The following ANKRD44 variants were observed in gnomAD, a reference collection of about 807,000 sequenced individuals.
ANKRD44 encodes ankyrin repeat domain 44.
A neutral mutation model predicts 116.0 loss-of-function variants in ANKRD44; 35 were observed. The observed-to-expected ratio is 0.30, with a 90% CI of 0.23 to 0.40. The LOEUF (loss-of-function observed/expected upper bound fraction) is 0.40. Ranked by LOEUF, ANKRD44 falls within the 10% of genes least tolerant of loss-of-function variation. ANKRD44 has a pLI of 1.00. For missense variants in ANKRD44, 1,014 were observed against 1,242.6 expected, an observed-to-expected ratio of 0.82 and a Z score of 2.77; for synonymous variants, 435 against 461.8, an observed-to-expected ratio of 0.94 and a Z score of 0.74.
chr2:197,197,112 G>T (rs1367702700), intron 1 of ANKRD44, among the ~76,000 whole-genome samples: 2 of 152,100 alleles, frequency 1.3e-5, no homozygotes, highest in Non-Finnish European at 2.9e-5. Context: ...TCCCCAGCCA[G>T]AAAAAGTCAC....
rs2082449993 is a variant in ANKRD44, at chr2:197,256,485, A to G, written c.27+54093T>C. On this transcript the variant is annotated intron_variant, in intron 1 of 27. Coordinates refer to ENST00000282272, the MANE Select transcript of ANKRD44 (RefSeq NM_001195144.2). ...AAGACAACTTGAACACAAGTTATCT[A>G]CATCAAAGTAACAAAACCAAAGTGC... 3.3e-5 allele frequency among the ~76,000 whole-genome samples: 5 copies of G among 152,262 alleles called. No individual in the cohort carries two copies. In the South Asian group the frequency reaches 1.0e-3, roughly 31 times the overall value.
intron 21 of ANKRD44, among the ~76,000 whole-genome samples, chr2:196,978,971 A>C (rs1051364868): frequency 6.6e-5 from 10 of 151,968 alleles, no homozygotes; most frequent in Non-Finnish European, 1.5e-5. Context: ...CAAAATAGAT[A>C]TAGCATAGTC....
rs1464210072 is a variant in ANKRD44 at position 197,212,050 on chromosome 2, T to TCA, written c.28-24945_28-24944insTG. 0.039 allele frequency among the ~76,000 whole-genome samples: 4,794 copies of TCA among 123,706 alleles called. 90 individuals are homozygous for TCA. Among genetic ancestry groups the TCA allele is most frequent in the East Asian group, 0.055 (191 of 3,462 alleles). The allele number at this position is 123,706 out of a possible 152,430, so 81.2% of individuals were successfully genotyped here. A position where few individuals can be genotyped will look rare whatever the true frequency, so the allele number is the denominator to read the frequency against. On this transcript the variant is annotated intron_variant, in intron 1 of 27. Coordinates refer to ENST00000282272, the MANE Select transcript of ANKRD44 (RefSeq NM_001195144.2). This position sits in a 1 kb window ranked among gnomAD's most constrained non-coding sequence, Gnocchi z 4.8. Reference sequence around the variant, plus strand: ...CTCTCTCTCTCTCAGTCTCTCTCTCTCTCACACACACACACACACACACAC... The same window carrying TCA: ...CTCTCTCTCTCTCAGTCTCTCTCTCTCACTCACACACACACACACACACACAC...
chr2:196,967,154 A>C (rs1437871), exon 22 of ANKRD44: 15,794 of 193,752 alleles, frequency 0.082, 717 homozygotes, highest in South Asian at 0.11. Context: ...TGCTCTAGAA[A>C]TATTACCCAG....
chr2:197,008,660 G>A (rs1044291078), intron 19 of ANKRD44, among the ~76,000 whole-genome samples: 2 of 152,058 alleles, frequency 1.3e-5, no homozygotes, highest in African/African-American at 4.8e-5. Context: ...AAAAATGGGC[G>A]GAAAGAGGGA....
intron 20 of ANKRD44, among the ~76,000 whole-genome samples, chr2:197,006,624 T>A (rs1467840986): frequency 6.6e-6 from 1 of 152,170 alleles, no homozygotes; most frequent in African/African-American, 2.4e-5. Context: ...AGGACTGAGA[T>A]AACAGATGCA....
rs531701912 is a variant in ANKRD44 at position 197,276,837 on chromosome 2, G to A, written c.27+33741C>T. On this transcript the variant is annotated intron_variant, in intron 1 of 27. Transcript: ENST00000282272. ...AACTGGGGTCTGAGGCCCACCCACAGCACAAATACCTGTGGCATTCATAAA... is the reference window on the plus strand; with the variant it reads ...AACTGGGGTCTGAGGCCCACCCACAACACAAATACCTGTGGCATTCATAAA... 2.6e-5 allele frequency among the ~76,000 whole-genome samples: 4 copies of A among 152,120 alleles called. No homozygotes were observed. In the South Asian group the frequency reaches 8.3e-4, roughly 32 times the overall value.
At chr2:197,042,687 G>A (rs1574336104) in intron 16 of ANKRD44, among the ~76,000 whole-genome samples, 1 of 151,972 alleles carries the variant, frequency 6.6e-6, no homozygotes, top group Non-Finnish European at 1.5e-5. Context: ...CTTAAAATCA[G>A]GTCCTAAACT....
At chr2:197,067,378 G>A (rs960380341) in intron 16 of ANKRD44, among the ~76,000 whole-genome samples, 1 of 152,166 alleles carries the variant, frequency 6.6e-6, no homozygotes, top group Non-Finnish European at 1.5e-5. Context: ...CCTGGGCAAG[G>A]ACTTCATGTC....
At chr2:197,035,951 G>A (rs192495690) in intron 16 of ANKRD44, among the ~76,000 whole-genome samples, 127 of 152,112 alleles carry the variant, frequency 8.3e-4, no homozygotes, top group African/African-American at 2.9e-3. Context: ...GGACCCCAGT[G>A]GACCCCCAGT....
chr2:197,078,619 C>T (rs755855414), intron 16 of ANKRD44, 84 bp downstream of exon 16: 3 of 1,554,714 alleles, frequency 1.9e-6, no homozygotes, highest in South Asian at 2.3e-5. Context: ...AGAGCTACAA[C>T]TCTGGAAAAA....
chr2:197,251,066 T>C lies in ANKRD44; in HGVS notation c.27+59512A>G, dbSNP rs566088430. 493 of 152,336 alleles carry C rather than the reference T, an allele frequency of 3.2e-3. 4 individuals are homozygous for C. Among genetic ancestry groups the C allele is most frequent in the African/African-American group, 0.011 (468 of 41,586 alleles). The allele number at this position is 152,336 out of a possible 1,614,324, so 9.4% of individuals were successfully genotyped here. ...TAAAATGTATTTTATTTATTAACAA[T>C]ATATTTTTAAATGTTTTTTAAATTC... On this transcript the variant is annotated intron_variant, in intron 1 of 27. Transcript: ENST00000282272.
chr2:197,127,090 C>T (rs376432018), intron 4 of ANKRD44, among the ~76,000 whole-genome samples: 2 of 152,080 alleles, frequency 1.3e-5, no homozygotes, highest in Non-Finnish European at 2.9e-5. Context: ...GAGCTGACCC[C>T]TTCATTTCAT....
intron 1 of ANKRD44, among the ~76,000 whole-genome samples, chr2:197,299,702 G>A (rs1356572149): frequency 1.3e-5 from 2 of 152,096 alleles, no homozygotes; most frequent in African/African-American, 2.4e-5. Flanking sequence ...AAGGAGTGAG[G>A]GATAAAAGAC....
intron 17 of ANKRD44, among the ~76,000 whole-genome samples, chr2:197,021,807 A>G (rs1035393714): frequency 2.0e-5 from 3 of 152,228 alleles, no homozygotes; most frequent in Non-Finnish European, 4.4e-5. Flanking sequence ...TTTTATAAAC[A>G]ATTATCTCTT....
At chr2:197,186,596 T>C (rs2080668424) in intron 2 of ANKRD44, among the ~76,000 whole-genome samples, 1 of 143,202 alleles carries the variant, frequency 7.0e-6, no homozygotes, top group Non-Finnish European at 1.5e-5. Context: ...TCCATCACTA[T>C]GCCCGGCTAA....
Position 196,989,477 on chromosome 2 carries a change from T to G in ANKRD44, c.*114A>C. On this transcript the variant is annotated 3_prime_UTR_variant, in exon 28 of 28. Coordinates refer to ENST00000282272, the MANE Select transcript of ANKRD44 (RefSeq NM_001195144.2). ...GTATCTTCCATTTTAGACTGAAGCA[T>G]TTTGGTCCTCATGTGTAGCTGGCTG... The G allele has an allele frequency of 7.6e-7, 1 of 1,323,518 alleles. No homozygotes were observed. Among genetic ancestry groups the G allele is most frequent in the Non-Finnish European group, 9.7e-7 (1 of 1,031,842 alleles). The allele number at this position is 1,323,518 out of a possible 1,614,324, so 82.0% of individuals were successfully genotyped here. A position where few individuals can be genotyped will look rare whatever the true frequency, so the allele number is the denominator to read the frequency against.
At chr2:197,174,192 T>C (rs2080309478) in intron 2 of ANKRD44, among the ~76,000 whole-genome samples, 1 of 152,176 alleles carries the variant, frequency 6.6e-6, no homozygotes, top group Non-Finnish European at 1.5e-5. Flanking sequence ...GGTGGTAAAA[T>C]ACACATAACA....
chr2:197,161,794 G>A (rs1469871018), intron 2 of ANKRD44, among the ~76,000 whole-genome samples: 1 of 152,100 alleles, frequency 6.6e-6, no homozygotes, highest in Non-Finnish European at 1.5e-5. Context: ...ATAAAATAAT[G>A]ACTAGAGGAC....
Sources: allele counts gnomAD v4.1 joint callset (sites outside exome capture counted in the v4.1 genomes callset), GRCh38; gene constraint gnomAD v4.1.1; non-coding constraint Gnocchi (gnomAD v3.1); transcripts MANE v1.5; gene names NCBI Gene and HGNC (gene_info 2026-07-23, HGNC 2026-07-21).